The following PPRC1 variants were observed in gnomAD, a reference collection of about 807,000 sequenced individuals.
The protein encoded by PPRC1 is PPARG related coactivator 1, also known as peroxisome proliferator-activated receptor gamma coactivator-related protein 1.
In PPRC1, 23 loss-of-function variants were observed where a neutral mutation model predicts 132.5. The observed-to-expected ratio is 0.17, with a 90% confidence interval of 0.12 to 0.25. The LOEUF is 0.25. Among genes scored for constraint, PPRC1 ranks in the 10% least tolerant of loss-of-function variants. The probability of loss-of-function intolerance (pLI) is 1.00; values close to 1 mark genes in which losing one functional copy is unlikely to be tolerated. For synonymous variants in PPRC1, 872 were observed against 833.5 expected, an observed-to-expected ratio of 1.05 and a Z score of -0.80; for missense variants, 2,006 against 2,089.1, an observed-to-expected ratio of 0.96 and a Z score of 0.78.
intron 5 of PPRC1, among the ~76,000 whole-genome samples, chr10:102,142,337 G>A (rs373341691): frequency 2.7e-5 from 4 of 146,428 alleles, no homozygotes; most frequent in Admixed American, 6.9e-5. Context: ...TCCTGATCTC[G>A]TGATCCGCCT....
chr10:102,144,111 A>G (rs1256176775), intron 6 of PPRC1, 139 bp from the exon 7 acceptor site: 1 of 790,314 alleles, frequency 1.3e-6, no homozygotes, highest in African/African-American at 1.7e-5. Flanking sequence ...GGAGGAGACT[A>G]GATCTCTTTG....
At chr10:102,134,596 C>T (rs923049090) in intron 1 of PPRC1, among the ~76,000 whole-genome samples, 1 of 152,170 alleles carries the variant, frequency 6.6e-6, no homozygotes, top group Non-Finnish European at 1.5e-5. Context: ...GCAGACCAAT[C>T]CAGGCCCTTG....
upstream of PPRC1, among the ~76,000 whole-genome samples, chr10:102,132,313 A>G (rs763189581): frequency 1.3e-5 from 2 of 152,254 alleles, no homozygotes; most frequent in Non-Finnish European, 2.9e-5. Context: ...TGAAGAGTAG[A>G]GACAGTGATG....
chr10:102,141,952 C>A lies in PPRC1; in HGVS notation c.3444C>A (p.Thr1148=). The change falls in exon 5 of 14, where the codon ACC becomes ACA. Residue 1148 remains threonine, a synonymous_variant. Transcript: ENST00000278070. ...TAAGGAAGCTGTCCTTCCTGCCTAC[C>A]CCACGTACTCAGGGTTCTGAAGATG... ...ARLRKLSFLP[T]PRTQGSEDVV... The A allele has an allele frequency of 6.2e-7, 1 of 1,613,962 alleles. No homozygotes were observed. Among genetic ancestry groups the A allele is most frequent in the East Asian group, 2.2e-5 (1 of 44,888 alleles).
At chr10:102,133,771 AC>A (rs780869223) in intron 1 of PPRC1, among the ~76,000 whole-genome samples, 1 of 151,312 alleles carries the variant, frequency 6.6e-6, no homozygotes, top group Non-Finnish European at 1.5e-5. Flanking sequence ...AGCCTGGCTG[AC>A]GCGAACTGGG....
At chr10:102,144,983 G>T in intron 7 of PPRC1, 37 bp from the exon 8 acceptor site, 1 of 1,485,006 alleles carries the variant, frequency 6.7e-7, no homozygotes. Context: ...TATTGAGAAG[G>T]CAATGAATCA....
At chr10:102,149,101 C>T (rs1370988547) in intron 12 of PPRC1, 77 bp from the exon 13 acceptor site, 17 of 1,526,038 alleles carry the variant, frequency 1.1e-5, no homozygotes, top group Non-Finnish European at 1.4e-5. Context: ...CACCTCTGTA[C>T]CTTGGGATGC....
At chr10:102,128,949 A>T (rs1483085409), upstream of PPRC1, among the ~76,000 whole-genome samples, 12 of 46,098 alleles carry the variant, frequency 2.6e-4, no homozygotes, top group East Asian at 1.2e-3. Flanking sequence ...TTTTTTTTTG[A>T]GACGGAGTCT....
rs2068896731 is a variant in PPRC1, at chr10:102,140,211, A to G, written c.1703A>G (p.Asn568Ser). Residue 568 changes from asparagine (N) to serine (S), a missense_variant, in exon 5 of 14, where the codon AAT becomes AGT. Around this residue, in one of 2 missense-constraint regions of PPRC1, gnomAD observed 1,914 missense variants for 1,917.2 expected, o/e 1.00. Transcript: ENST00000278070. Reference sequence around the variant, plus strand: ...AAGCTGGCTGACACTATCCAAACCAATCCTATACCAACCCATCTCTCATTG... The same window carrying G: ...AAGCTGGCTGACACTATCCAAACCAGTCCTATACCAACCCATCTCTCATTG... ...YPKLADTIQT[N>S]PIPTHLSLVD... The G allele has an allele frequency of 1.2e-6, 2 of 1,613,866 alleles. No homozygotes were observed. The highest frequency in any genetic ancestry group is 2.2e-5 in the South Asian group (2 of 91,062).
In PPRC1 at chr10:102,150,200, G is replaced by GT. The variant is rs1300522301; in HGVS notation, c.*178dup. 3 of 554,812 alleles carry GT rather than the reference G, an allele frequency of 5.4e-6. No homozygotes were observed. The highest frequency in any genetic ancestry group is 6.2e-5 in the Admixed American group (2 of 32,006). 34.4% of individuals were successfully genotyped at this position (554,812 alleles called of 1,614,324 possible). On this transcript the variant is annotated 3_prime_UTR_variant, in exon 14 of 14. Transcript: ENST00000278070. ...ATCAGATTTTTTAAAAGGGGTATTT[G>GT]TTTTTTTATAACAGGTATTGAAACA... is the stretch of plus-strand genomic sequence containing the variant.
In PPRC1 at chr10:102,145,047, G is replaced by T; in HGVS notation, c.3636G>T (p.Arg1212Ser). The T allele has an allele frequency of 6.2e-7, 1 of 1,613,094 alleles. No individual in the cohort carries two copies. Among genetic ancestry groups the T allele is most frequent in the South Asian group, 1.1e-5 (1 of 91,010 alleles). ...SGGVDIPQEK[R>S]PLDRLQAPEL... ...GCGTTGACATTCCCCAGGAGAAGAG[G>T]CCCCTAGACCGGTTACAAGCCCCAG... is the stretch of plus-strand genomic sequence containing the variant. The change falls in exon 8 of 14, where the codon AGG (arginine) becomes AGT (serine). Residue 1212 changes from arginine (R) to serine (S), a missense_variant. Physicochemically the swap from Arg to Ser is moderately radical, Grantham distance 110. Transcript: ENST00000278070.
Position 102,146,709 on chromosome 10 carries a change from G to A in PPRC1, c.3717G>A (p.Trp1239Ter), listed in dbSNP as rs1187989686. The A allele has an allele frequency of 6.2e-7, 1 of 1,613,126 alleles. No individual in the cohort carries two copies. The highest frequency in any genetic ancestry group is 8.5e-7 in the Non-Finnish European group (1 of 1,179,634). Residue 1239 changes from tryptophan to a stop codon, truncating the protein, a stop_gained, in exon 9 of 14, where the codon TGG becomes TGA. Coordinates refer to ENST00000278070, the MANE Select transcript of PPRC1 (RefSeq NM_015062.5). LOFTEE classifies it high-confidence loss of function. ...CAGCTACCCCTCCCCACCAGTTATG[G>A]AAGCCCCTGGCTGCTGTCTCACTGC... ...TPPATPPHQL[W>*]KPLAAVSLLA...
At chr10:102,149,401 A>G in intron 13 of PPRC1, 72 bp downstream of exon 13, 1 of 1,463,940 alleles carries the variant, frequency 6.8e-7, no homozygotes, top group Non-Finnish European at 9.1e-7. Flanking sequence ...ACCCTTTGTG[A>G]GTGGGGCTAG....
chr10:102,127,019 TCATATATATATATA>T, the PPRC1 span, among the ~76,000 whole-genome samples: 1,452 of 78,866 alleles, frequency 0.018, 27 homozygotes, highest in Middle Eastern at 0.063. Context: ...TGGTTTTTTA[TCATATATATATATA>T]TATATATATA....
At chr10:102,120,494 A>C in the PPRC1 span, 1 of 585,092 alleles carries the variant, frequency 1.7e-6, no homozygotes, top group Non-Finnish European at 2.2e-6. Context: ...CCCCAGCCCA[A>C]GCCGGGCAGG....
chr10:102,138,399 A>G (rs914061740), intron 2 of PPRC1, among the ~76,000 whole-genome samples: 1 of 152,180 alleles, frequency 6.6e-6, no homozygotes, highest in African/African-American at 2.4e-5. Flanking sequence ...GAATGTGTGA[A>G]ACCCAAGCTT....
In PPRC1 at chr10:102,140,851, C is replaced by T. The variant is rs145377546; in HGVS notation, c.2343C>T (p.Ser781=). 6.2e-7 allele frequency: 1 copy of T among 1,614,076 alleles called. No individual in the cohort carries two copies. The highest frequency in any genetic ancestry group is 1.3e-5 in the African/African-American group (1 of 75,012). The change falls in exon 5 of 14, where the codon AGC becomes AGT. Residue 781 remains serine, a synonymous_variant. Transcript: ENST00000278070. ...AGCCCCCAACTGGGAAGTGGCCTAG[C>T]CTTCCAGAGACTCCCACAGGGCTGG... ...SPQPPTGKWP[S]LPETPTGLAD...
the PPRC1 span, among the ~76,000 whole-genome samples, chr10:102,127,261 G>A: frequency 6.6e-6 from 1 of 151,776 alleles, no homozygotes; most frequent in South Asian, 2.1e-4. Flanking sequence ...TGTAATCCCG[G>A]CTACTCAGGA....
At chr10:102,149,895 GA>G in intron 13 of PPRC1, 30 bp from the exon 14 acceptor site, 1 of 1,533,068 alleles carries the variant, frequency 6.5e-7, no homozygotes, top group Non-Finnish European at 9.0e-7. Context: ...AGTGTGGTCA[GA>G]GACCTTGAAG....
Sources: allele counts gnomAD v4.1 joint callset (sites outside exome capture counted in the v4.1 genomes callset), GRCh38; gene constraint gnomAD v4.1.1; regional missense constraint gnomAD v4.1.1; transcripts MANE v1.5; gene names NCBI Gene and HGNC (gene_info 2026-07-23, HGNC 2026-07-21).